The following KIR2DL4 variants were observed in gnomAD, a reference collection of about 807,000 sequenced individuals.
The protein encoded by KIR2DL4 is killer cell immunoglobulin like receptor, two Ig domains and long cytoplasmic tail 4, also known as killer cell immunoglobulin-like receptor 2DL4.
In KIR2DL4, 41 loss-of-function variants were observed where a neutral mutation model predicts 31.0. The observed-to-expected ratio is 1.32, with a 90% CI of 1.03 to 1.72. The LOEUF is 1.72. KIR2DL4 is among the 40% of genes most tolerant of loss of function. The pLI is 0.00. For missense variants in KIR2DL4, 438 were observed against 353.7 expected, an observed-to-expected ratio of 1.24 and a Z score of -1.91; for synonymous variants, 164 against 133.6, an observed-to-expected ratio of 1.23 and a Z score of -1.57.
chr19:54,803,733 G>C, intron 1 of KIR2DL4, 42 bp downstream of exon 1: 1 of 1,599,876 alleles, frequency 6.3e-7, no homozygotes, highest in Admixed American at 1.7e-5. Context: ...TACACTATGG[G>C]CCTGCAGATT....
chr19:54,805,006 G>A (rs2060421732), exon 3 of KIR2DL4: 5 of 1,611,766 alleles, frequency 3.1e-6, no homozygotes, highest in South Asian at 1.1e-5. Context: ...ACCTACAGAT[G>A]TCGAGGTTTT....
intron 5 of KIR2DL4, among the ~76,000 whole-genome samples, chr19:54,810,298 A>AT (rs145370691): frequency 0.23 from 34,070 of 148,132 alleles, 4,221 homozygotes; most frequent in South Asian, 0.35. Context: ...TTTTTTTGGT[A>AT]TTTTTTTTTA....
At chr19:54,814,149 A>G in exon 8 of KIR2DL4, 1 of 1,600,788 alleles carries the variant, frequency 6.2e-7, no homozygotes, top group South Asian at 1.1e-5. Context: ...ACTCTTCCTC[A>G]CACCACAAAT....
At chr19:54,809,435 A>G (rs943958515) in intron 5 of KIR2DL4, among the ~76,000 whole-genome samples, 4 of 150,932 alleles carry the variant, frequency 2.7e-5, no homozygotes, top group African/African-American at 9.8e-5. Context: ...TTGCCATAAC[A>G]AATTTCCACA....
In KIR2DL4 at chr19:54,806,129, C is replaced by G. The variant is rs954023147; in HGVS notation, c.540C>G (p.Ala180=). The G allele has an allele frequency of 1.9e-6, 3 of 1,611,762 alleles. No individual in the cohort carries two copies. In the East Asian group the frequency reaches 6.7e-5, roughly 36 times the overall value. Reference sequence around the variant, plus strand: ...CCAGCATCAATGGAACATTCCAGGCCGACTTCCCTCTGGGTCCTGCCACCC... The same window carrying G: ...CCAGCATCAATGGAACATTCCAGGCGGACTTCCCTCTGGGTCCTGCCACCC... The change falls in exon 4 of 8, where the codon GCC becomes GCG. Residue 180 remains alanine, a synonymous_variant. Transcript: ENST00000359085.
chr19:54,813,781 T>C (rs1601238686), intron 7 of KIR2DL4, 39 bp downstream of exon 6: 4 of 1,611,410 alleles, frequency 2.5e-6, no homozygotes, highest in East Asian at 2.2e-5. Flanking sequence ...TACAGTCTTA[T>C]TCCGAAATAG....
intron 5 of KIR2DL4, among the ~76,000 whole-genome samples, chr19:54,810,735 TACTC>T (rs1271476587): frequency 6.6e-6 from 1 of 150,646 alleles, no homozygotes; most frequent in African/African-American, 2.5e-5. Context: ...GTGTGTTTGA[TACTC>T]ACAGCCATTG....
intron 2 of KIR2DL4, 27 bp downstream of exon 2, chr19:54,803,953 G>C: frequency 1.9e-6 from 3 of 1,602,608 alleles, no homozygotes; most frequent in Non-Finnish European, 2.6e-6. Flanking sequence ...ATGATGGGTT[G>C]CCATCTTCAC....
At chr19:54,813,463 G>C (rs1402887264) in intron 6 of KIR2DL4, among the ~76,000 whole-genome samples, 2 of 150,322 alleles carry the variant, frequency 1.3e-5, no homozygotes, top group African/African-American at 2.5e-5. Context: ...TCCAGGAGAA[G>C]ATTCCATGAC....
chr19:54,814,124 C>G (rs1280397375), exon 8 of KIR2DL4: 4 of 1,607,252 alleles, frequency 2.5e-6, no homozygotes, highest in Middle Eastern at 1.7e-4. Context: ...GCGTGAGTCT[C>G]CATCTTAGAG....
exon 3 of KIR2DL4, chr19:54,804,866 G>A (rs913944938): frequency 6.8e-6 from 11 of 1,612,372 alleles, no homozygotes; most frequent in Middle Eastern, 1.7e-4. Context: ...TGACTCTTCG[G>A]TGTCACTATC....
exon 8 of KIR2DL4, chr19:54,813,932 A>C (rs754668775): frequency 5.0e-5 from 81 of 1,612,370 alleles, no homozygotes; most frequent in Middle Eastern, 1.6e-4. Flanking sequence ...CCCTTCTCAG[A>C]GGAGCAAGAG....
At chr19:54,813,337 A>C (rs2060990849) in intron 6 of KIR2DL4, 2 of 1,524,924 alleles carry the variant, frequency 1.3e-6, no homozygotes. Flanking sequence ...GGCCCAAGGC[A>C]GGAGCCAGAG....
exon 8 of KIR2DL4, chr19:54,814,047 G>T (rs774907409): frequency 6.2e-7 from 1 of 1,612,194 alleles, no homozygotes; most frequent in South Asian, 1.1e-5. Context: ...GGATCTTCTA[G>T]GGAGACAACA....
At chr19:54,805,427 G>A (rs1415069358) in intron 3 of KIR2DL4, among the ~76,000 whole-genome samples, 1 of 151,200 alleles carries the variant, frequency 6.6e-6, no homozygotes, top group Non-Finnish European at 1.5e-5. Flanking sequence ...GAGGAGAATG[G>A]GGATTAGAGC....
chr19:54,811,706 T>C (rs1248460376), intron 5 of KIR2DL4, among the ~76,000 whole-genome samples: 1 of 151,234 alleles, frequency 6.6e-6, no homozygotes, highest in Non-Finnish European at 1.5e-5. Context: ...ATGATACAGA[T>C]AGATCATGGG....
At chr19:54,805,216 G>T (rs1348937344) in intron 3 of KIR2DL4, 139 bp downstream of exon 3, 69 of 807,442 alleles carry the variant, frequency 8.5e-5, no homozygotes, top group Non-Finnish European at 8.2e-5. Flanking sequence ...AGGGGAATGG[G>T]TGCTGTGTTG....
Position 54,806,708 on chromosome 19 carries a change from A to G in KIR2DL4, c.655+464A>G, listed in dbSNP as rs932281256. On this transcript the variant is annotated intron_variant, in intron 4 of 7. Coordinates refer to ENST00000359085, the Ensembl canonical transcript of KIR2DL4. ...CCATTTTTAAGTGTAAAATCTAGGG[A>G]TCATAAATACCTTTATATGCTGTGT... 4.2e-3 allele frequency among the ~76,000 whole-genome samples: 635 copies of G among 151,136 alleles called. 21 individuals are homozygous for G. Among genetic ancestry groups the G allele is most frequent in the African/African-American group, 0.015 (610 of 40,912 alleles).
Position 54,810,522 on chromosome 19 carries a change from A to T in KIR2DL4, c.706+1639A>T, listed in dbSNP as rs937878578. ...AATAATACTTGTGACCTTAATGAAAAAAATAGATCAACCCCTGGAAGATTG... is the reference window on the plus strand; with the variant it reads ...AATAATACTTGTGACCTTAATGAAATAAATAGATCAACCCCTGGAAGATTG... On this transcript the variant is annotated intron_variant, in intron 5 of 7. Coordinates refer to ENST00000359085, the Ensembl canonical transcript of KIR2DL4. 8.6e-5 allele frequency among the ~76,000 whole-genome samples: 13 copies of T among 151,744 alleles called. No homozygotes were observed. In the East Asian group the frequency reaches 2.3e-3, roughly 27 times the overall value.
Sources: allele counts gnomAD v4.1 joint callset (sites outside exome capture counted in the v4.1 genomes callset), GRCh38; gene constraint gnomAD v4.1.1; transcripts MANE v1.5; gene names NCBI Gene and HGNC (gene_info 2026-07-23, HGNC 2026-07-21).